Variants in CDH18 observed in about 807,000 individuals in gnomAD.
CDH18 encodes the protein cadherin-18.
In CDH18, 31 loss-of-function variants were observed where a neutral mutation model predicts 67.9. That is an observed-to-expected ratio of 0.46 (90% confidence interval 0.34 to 0.62). CDH18 has a LOEUF of 0.62. Among genes scored for constraint, CDH18 ranks in the 20% least tolerant of loss-of-function variants. CDH18 has a pLI of 0.01. For synonymous variants in CDH18, 362 were observed against 347.2 expected (o/e 1.04, Z -0.48); for missense variants, 890 against 975.5 (o/e 0.91, Z 1.17).
chr5:20,315,431 T>A (rs941732356), intron 1 of CDH18, among the ~76,000 whole-genome samples: 1 of 152,118 alleles, frequency 6.6e-6, no homozygotes, highest in Non-Finnish European at 1.5e-5. Flanking sequence ...CATTATTGTA[T>A]TCTCTTGCTT....
intron 3 of CDH18, among the ~76,000 whole-genome samples, chr5:19,754,312 A>T (rs1002291569): frequency 6.6e-6 from 1 of 152,188 alleles, no homozygotes. Context: ...AAAGTGGTGA[A>T]AAAAAGACAT....
chr5:19,623,608 A>T (rs187394483), intron 5 of CDH18, among the ~76,000 whole-genome samples: 40 of 151,900 alleles, frequency 2.6e-4, no homozygotes, highest in Admixed American at 7.9e-4. Flanking sequence ...TTTTGCTTTG[A>T]TGGTTTAAAT....
chr5:19,842,474 C>A (rs1434804477), intron 2 of CDH18, among the ~76,000 whole-genome samples: 1 of 152,182 alleles, frequency 6.6e-6, no homozygotes, highest in Non-Finnish European at 1.5e-5. Context: ...TGAAAAAGAA[C>A]ATGTTTGCTT....
At chr5:20,446,519 G>T (rs1750015849) in intron 1 of CDH18, among the ~76,000 whole-genome samples, 1 of 152,078 alleles carries the variant, frequency 6.6e-6, no homozygotes, top group East Asian at 1.9e-4. Flanking sequence ...CCAAGAAAAG[G>T]TGCATTAAAG....
At chr5:20,281,512 G>A (rs1424334106) in intron 1 of CDH18, among the ~76,000 whole-genome samples, 2 of 152,064 alleles carry the variant, frequency 1.3e-5, no homozygotes, top group East Asian at 3.9e-4. Context: ...AAGATCAGAT[G>A]GTTGTAGATA....
intron 8 of CDH18, among the ~76,000 whole-genome samples, chr5:19,568,882 A>G (rs570720676): frequency 1.3e-5 from 2 of 152,326 alleles, no homozygotes; most frequent in South Asian, 4.1e-4. Flanking sequence ...ATATCTCTCC[A>G]GACATTTTCA....
At chr5:20,018,331 A>C (rs1255716147) in intron 2 of CDH18, among the ~76,000 whole-genome samples, 4 of 152,190 alleles carry the variant, frequency 2.6e-5, no homozygotes, top group African/African-American at 7.2e-5. Context: ...TATAATTATA[A>C]GTAAAAATAG....
chr5:19,572,838 TAACTAGA>T (rs1168728562), intron 7 of CDH18, among the ~76,000 whole-genome samples: 1 of 152,108 alleles, frequency 6.6e-6, no homozygotes, highest in East Asian at 1.9e-4. Context: ...AAGCAAAAGC[TAACTAGA>T]AAGAGGATCC....
At chr5:20,490,280 A>G (rs1315778913) in intron 1 of CDH18, among the ~76,000 whole-genome samples, 1 of 152,076 alleles carries the variant, frequency 6.6e-6, no homozygotes, top group Non-Finnish European at 1.5e-5. Context: ...TAAAATGTTC[A>G]TAGAACTTAG....
intron 2 of CDH18, among the ~76,000 whole-genome samples, chr5:20,250,990 T>C (rs1278334322): frequency 6.6e-6 from 1 of 152,168 alleles, no homozygotes. Flanking sequence ...CTCTGTTAAT[T>C]TGACTTAAAG....
At chr5:20,082,230 G>C (rs538383730) in intron 2 of CDH18, among the ~76,000 whole-genome samples, 1 of 151,830 alleles carries the variant, frequency 6.6e-6, no homozygotes, top group African/African-American at 2.4e-5. Context: ...ATTTATATAA[G>C]ACAATATTAT....
At chr5:20,386,110 T>C (rs114724355) in intron 1 of CDH18, among the ~76,000 whole-genome samples, 82 of 152,320 alleles carry the variant, frequency 5.4e-4, no homozygotes, top group African/African-American at 1.9e-3. Flanking sequence ...GCATTCATCC[T>C]CAAGGAAGGA....
intron 1 of CDH18, among the ~76,000 whole-genome samples, chr5:20,341,564 C>T (rs1307381314): frequency 1.6e-4 from 24 of 148,238 alleles, no homozygotes; most frequent in Non-Finnish European, 3.0e-5. Context: ...TATATTTATG[C>T]AAACACTAAT....
chr5:20,027,143 T>TA lies in CDH18; in HGVS notation c.-517-35130dup, dbSNP rs1365708590. Among the ~76,000 whole-genome samples the TA allele has an allele frequency of 3.3e-5, 5 of 152,204 alleles. No individual in the cohort carries two copies. The East Asian group carries it at 9.6e-4, about 29-fold the overall frequency. On this transcript the variant is annotated intron_variant, in intron 2 of 14. Transcript: ENST00000507958. ...GGCTGTGTACATTTTCACGACTGTT[T>TA]AAAAAATCAATAATGTATGATTAAA...
chr5:19,654,828 G>A (rs969153059), intron 5 of CDH18, among the ~76,000 whole-genome samples: 15 of 152,120 alleles, frequency 9.9e-5, no homozygotes, highest in African/African-American at 3.1e-4. Context: ...GGACTAGGAA[G>A]ATCATCTTCC....
chr5:20,475,384 C>A (rs959077143), intron 1 of CDH18, among the ~76,000 whole-genome samples: 1 of 151,968 alleles, frequency 6.6e-6, no homozygotes, highest in African/African-American at 2.4e-5. Context: ...TCATTATAGC[C>A]TTCTTAGATT....
At chr5:20,253,958 G>A (rs1240066429) in intron 2 of CDH18, among the ~76,000 whole-genome samples, 3 of 152,070 alleles carry the variant, frequency 2.0e-5, no homozygotes, top group Non-Finnish European at 4.4e-5. Flanking sequence ...GATTCACCAA[G>A]TTCATCACAA....
At chr5:19,920,443 T>C (rs1474670126) in intron 2 of CDH18, among the ~76,000 whole-genome samples, 4 of 151,732 alleles carry the variant, frequency 2.6e-5, no homozygotes, top group Non-Finnish European at 4.4e-5. Context: ...TCACCAATTA[T>C]CCGATTTGCA....
At chr5:19,729,366 T>C (rs1767289983) in intron 4 of CDH18, among the ~76,000 whole-genome samples, 1 of 152,198 alleles carries the variant, frequency 6.6e-6, no homozygotes, top group South Asian at 2.1e-4. Context: ...TTCAAAAAAG[T>C]TGTATAGTTG....
Sources: allele counts gnomAD v4.1 joint callset (sites outside exome capture counted in the v4.1 genomes callset), GRCh38; gene constraint gnomAD v4.1.1; transcripts MANE v1.5; gene names NCBI Gene and HGNC (gene_info 2026-07-23, HGNC 2026-07-21).